STAU2: variants seen among roughly 807,000 people sequenced by gnomAD.
STAU2 encodes the protein double-stranded RNA-binding protein Staufen homolog 2.
In STAU2, 20 loss-of-function variants were observed where a neutral mutation model predicts 65.9. The ratio of observed to expected loss-of-function variants is 0.30; its 90% CI spans 0.21 to 0.44. The LOEUF is 0.44. Ranked by LOEUF, STAU2 falls within the 20% of genes least tolerant of loss-of-function variation. The pLI is 1.00. For synonymous variants in STAU2, 232 were observed against 233.9 expected, an observed-to-expected ratio of 0.99 and a Z score of 0.07; for missense variants, 558 against 683.9, an observed-to-expected ratio of 0.82 and a Z score of 2.05.
intron 13 of STAU2, among the ~76,000 whole-genome samples, chr8:73,447,107 G>A (rs116347812): frequency 0.028 from 4,303 of 152,082 alleles, 111 homozygotes; most frequent in African/African-American, 0.075. Flanking sequence ...TGCCACGTCC[G>A]GCTAATTTTT....
intron 3 of STAU2, among the ~76,000 whole-genome samples, chr8:73,709,751 C>T (rs1820757740): frequency 6.6e-6 from 1 of 151,528 alleles, no homozygotes; most frequent in African/African-American, 2.4e-5. Context: ...TACCTAACAC[C>T]CAGTGCTTAT....
In STAU2 at chr8:73,550,819, C is replaced by G. The variant is rs185296507; in HGVS notation, c.1530+1193G>C. 1,869 of 987,100 alleles carry G rather than the reference C, an allele frequency of 1.9e-3. 5 individuals are homozygous for G. The highest frequency in any genetic ancestry group is 2.2e-3 in the Non-Finnish European group (1,800 of 829,998). 61.1% of individuals were successfully genotyped at this position (987,100 alleles called of 1,614,324 possible). A position where few individuals can be genotyped will look rare whatever the true frequency, so the allele number is the denominator to read the frequency against. On this transcript the variant is annotated intron_variant, in intron 13 of 14. Transcript: ENST00000524300. ...ATTAGAAACACTAACAACTACCTGG[C>G]AATAGTTTGAAAGAATCAGAAGGGT... is the stretch of plus-strand genomic sequence containing the variant.
chr8:73,601,842 T>C (rs966770297), intron 10 of STAU2, among the ~76,000 whole-genome samples: 4 of 152,224 alleles, frequency 2.6e-5, no homozygotes, highest in African/African-American at 7.2e-5. Flanking sequence ...AGCCAGTTTA[T>C]ATTCCCAATA....
rs534745180 is a variant in STAU2 at position 73,746,350 on chromosome 8, C to A, written c.-197+433G>T. On this transcript the variant is annotated intron_variant, in intron 1 of 14. Transcript: ENST00000524300. The stretch of plus-strand genomic sequence containing the variant: ...GCGCTCCCTCTCCCTCGCAGCCACA[C>A]CGTGGCTGCACTCGCCGTCCTCTCT... 4.0e-3 allele frequency among the ~76,000 whole-genome samples: 603 copies of A among 151,856 alleles called. 4 individuals carry two copies. Among genetic ancestry groups the A allele is most frequent in the African/African-American group, 0.014 (566 of 41,424 alleles).
intron 13 of STAU2, among the ~76,000 whole-genome samples, chr8:73,451,237 C>T (rs1465674907): frequency 6.6e-6 from 1 of 152,172 alleles, no homozygotes; most frequent in African/African-American, 2.4e-5. Flanking sequence ...CTACAGCCGT[C>T]AGCTTCTTTA....
chr8:73,575,330 C>G lies in STAU2; in HGVS notation c.1222+7440G>C, dbSNP rs149140587. Among the ~76,000 whole-genome samples, 257 of 152,260 alleles carry G rather than the reference C, an allele frequency of 1.7e-3. 2 individuals are homozygous for G. Among genetic ancestry groups the G allele is most frequent in the African/African-American group, 5.9e-3 (246 of 41,542 alleles). On this transcript the variant is annotated intron_variant, in intron 12 of 14. Coordinates refer to ENST00000524300, the MANE Select transcript of STAU2 (RefSeq NM_001164380.2). The stretch of plus-strand genomic sequence containing the variant: ...CTATCAAATTGGCAAAGATTCAAAA[C>G]TTTGATAGCACACTGTGTTCCTGAA...
chr8:73,610,564 C>CG (rs142311489), intron 9 of STAU2, among the ~76,000 whole-genome samples: 1,574 of 146,670 alleles, frequency 0.011, 31 homozygotes, highest in African/African-American at 0.037. Context: ...AAAAAGGCAG[C>CG]GGGGGAGGGG....
chr8:73,457,672 T>C (rs981542756), intron 13 of STAU2, among the ~76,000 whole-genome samples: 5 of 152,254 alleles, frequency 3.3e-5, no homozygotes, highest in Non-Finnish European at 1.5e-5. Flanking sequence ...GGCTTTTTCT[T>C]TGGTGTAATA....
chr8:73,540,647 T>C (rs943111905), intron 13 of STAU2, among the ~76,000 whole-genome samples: 6 of 152,194 alleles, frequency 3.9e-5, no homozygotes, highest in African/African-American at 1.4e-4. Context: ...TTCCAGCTTC[T>C]GACAACAGGA....
chr8:73,616,808 G>C (rs1184389736), intron 7 of STAU2, among the ~76,000 whole-genome samples: 1 of 146,802 alleles, frequency 6.8e-6, no homozygotes, highest in Non-Finnish European at 1.5e-5. Flanking sequence ...AAAAAAAAAA[G>C]GAAGCTCACT....
At chr8:73,607,418 T>C (rs1405620269) in intron 9 of STAU2, among the ~76,000 whole-genome samples, 1 of 152,164 alleles carries the variant, frequency 6.6e-6, no homozygotes, top group Non-Finnish European at 1.5e-5. Flanking sequence ...TAGCTTTTTG[T>C]ATGTATTATA....
chr8:73,461,901 C>G (rs1048077873), intron 13 of STAU2, among the ~76,000 whole-genome samples: 5 of 152,146 alleles, frequency 3.3e-5, no homozygotes, highest in Admixed American at 1.3e-4. Flanking sequence ...GCAGCTCTGC[C>G]CAGGCTCTTC....
chr8:73,652,743 T>C (rs2130245565), intron 6 of STAU2: 1 of 150,954 alleles, frequency 6.6e-6, no homozygotes, highest in East Asian at 1.9e-4. Context: ...AAAAAAACTG[T>C]TATTTCTGTC....
At chr8:73,448,882 G>T (rs551090519) in intron 13 of STAU2, among the ~76,000 whole-genome samples, 220 of 152,368 alleles carry the variant, frequency 1.4e-3, no homozygotes, top group African/African-American at 5.2e-3. Context: ...GGCGCTAGGG[G>T]CCAGTGCTCA....
At chr8:73,499,942 GCT>G (rs760396616) in intron 13 of STAU2, among the ~76,000 whole-genome samples, 19 of 151,836 alleles carry the variant, frequency 1.3e-4, no homozygotes, top group Non-Finnish European at 2.8e-4. Context: ...AGAGATTGGC[GCT>G]CTCACGGATT....
intron 13 of STAU2, among the ~76,000 whole-genome samples, chr8:73,425,224 G>T (rs983473112): frequency 2.6e-5 from 4 of 152,166 alleles, no homozygotes; most frequent in African/African-American, 9.7e-5. Context: ...TAGTACAGAT[G>T]TAATTAGTTA....
At chr8:73,444,135 T>C (rs1818339245) in intron 13 of STAU2, among the ~76,000 whole-genome samples, 1 of 152,092 alleles carries the variant, frequency 6.6e-6, no homozygotes, top group Non-Finnish European at 1.5e-5. Context: ...AGCTGGGTGC[T>C]GCGGCTCACG....
chr8:73,586,630 C>A (rs1284259986), intron 11 of STAU2, among the ~76,000 whole-genome samples: 3 of 38,494 alleles, frequency 7.8e-5, no homozygotes, highest in East Asian at 6.3e-4. Context: ...ATGAGGAGAA[C>A]AGAAGAAAAA....
At chr8:73,616,030 C>T (rs2129867642) in intron 7 of STAU2, among the ~76,000 whole-genome samples, 1 of 152,252 alleles carries the variant, frequency 6.6e-6, no homozygotes, top group Middle Eastern at 3.4e-3. Flanking sequence ...TTTTACTCAA[C>T]CATACACTAA....
Sources: gnomAD v4.1 joint callset for allele counts (sites outside exome capture counted in the v4.1 genomes callset) on GRCh38, gnomAD v4.1.1 for gene constraint, MANE v1.5 for transcripts, NCBI Gene and HGNC (gene_info 2026-07-23, HGNC 2026-07-21) for gene names.